PBLD: variants seen among roughly 807,000 people sequenced by gnomAD.
The protein encoded by PBLD is phenazine biosynthesis-like domain-containing protein.
Under a neutral mutation model 31.3 loss-of-function variants are expected in PBLD, and 26 were observed. The ratio of observed to expected loss-of-function variants is 0.83; its 90% CI spans 0.61 to 1.15. The LOEUF (loss-of-function observed/expected upper bound fraction) is 1.15, where lower values mean the gene tolerates loss of function less well. PBLD is among the 50% of genes most tolerant of loss of function. PBLD has a pLI of 0.00. For missense variants in PBLD, 307 were observed against 351.7 expected, an observed-to-expected ratio of 0.87 and a Z score of 1.02; for synonymous variants, 114 against 129.0, an observed-to-expected ratio of 0.88 and a Z score of 0.79.
At chr10:68,288,407 G>A in intron 8 of PBLD, 76 bp downstream of exon 8, 3 of 1,502,826 alleles carry the variant, frequency 2.0e-6, no homozygotes, top group South Asian at 2.6e-5. Flanking sequence ...AAGGTCACAG[G>A]AAGTGCACTT....
At chr10:68,328,065 T>C (rs1427570665) in intron 1 of PBLD, among the ~76,000 whole-genome samples, 1 of 152,192 alleles carries the variant, frequency 6.6e-6, no homozygotes, top group African/African-American at 2.4e-5. Flanking sequence ...TGTAATTCAG[T>C]CTTGTCTTGA....
chr10:68,318,163 T>C (rs1589670263), intron 1 of PBLD, among the ~76,000 whole-genome samples: 2 of 145,768 alleles, frequency 1.4e-5, no homozygotes, highest in Admixed American at 1.4e-4. Flanking sequence ...GGAGGCGGAG[T>C]TTGCAGTGAG....
intron 2 of PBLD, among the ~76,000 whole-genome samples, chr10:68,297,655 A>C (rs1177074919): frequency 2.0e-5 from 3 of 152,214 alleles, no homozygotes; most frequent in Admixed American, 6.5e-5. Context: ...GAGATCAGTA[A>C]ACATTTGTTG....
chr10:68,326,816 A>G (rs2044928693), intron 1 of PBLD, among the ~76,000 whole-genome samples: 1 of 152,212 alleles, frequency 6.6e-6, no homozygotes, highest in Non-Finnish European at 1.5e-5. Flanking sequence ...TGGGAGGCCG[A>G]GGCCAGTGGA....
At chr10:68,324,821 G>A (rs1190126509) in intron 1 of PBLD, among the ~76,000 whole-genome samples, 3 of 151,408 alleles carry the variant, frequency 2.0e-5, no homozygotes, top group Non-Finnish European at 4.4e-5. Flanking sequence ...TCACCATGTT[G>A]GCCAGGCTGG....
chr10:68,312,211 G>T (rs932495208), intron 1 of PBLD, among the ~76,000 whole-genome samples: 1 of 152,192 alleles, frequency 6.6e-6, no homozygotes, highest in Non-Finnish European at 1.5e-5. Flanking sequence ...TAGTGGAATT[G>T]CTGAATTACA....
intron 1 of PBLD, among the ~76,000 whole-genome samples, chr10:68,312,808 T>G (rs59914282): frequency 0.038 from 5,748 of 151,816 alleles, 379 homozygotes; most frequent in African/African-American, 0.13. Context: ...AGACGGGGTT[T>G]CACCATGTTA....
chr10:68,321,207 A>G (rs559327820), intron 1 of PBLD, among the ~76,000 whole-genome samples: 4 of 151,618 alleles, frequency 2.6e-5, no homozygotes, highest in African/African-American at 9.7e-5. Context: ...TTTTTGATCA[A>G]TGGTTGATTG....
chr10:68,285,333 A>T lies in PBLD; in HGVS notation c.754+15T>A, dbSNP rs763348000. On this transcript the variant is annotated intron_variant, in intron 9 of 9. Coordinates refer to ENST00000358769, the MANE Select transcript of PBLD (RefSeq NM_022129.4). ...TTAGGCAAATAAAAAAGAAATTGGT[A>T]AAGAGCTGTCCTACCATGCATTTCT... The T allele has an allele frequency of 2.5e-6, 4 of 1,614,036 alleles. No homozygotes were observed. In the South Asian group the frequency reaches 4.4e-5, roughly 18 times the overall value.
chr10:68,330,530 C>G (rs1272373995), intron 1 of PBLD, among the ~76,000 whole-genome samples: 1 of 152,140 alleles, frequency 6.6e-6, no homozygotes, highest in Non-Finnish European at 1.5e-5. Context: ...TGTACTTGAA[C>G]TTGCACTGAT....
chr10:68,298,835 G>A (rs1168084713), intron 2 of PBLD, among the ~76,000 whole-genome samples: 1 of 151,648 alleles, frequency 6.6e-6, no homozygotes, highest in Non-Finnish European at 1.5e-5. Context: ...AGCTGGGCGT[G>A]GTGGCTCACA....
intron 1 of PBLD, among the ~76,000 whole-genome samples, chr10:68,308,061 A>G (rs530701702): frequency 3.5e-4 from 54 of 152,288 alleles, no homozygotes; most frequent in Admixed American, 2.8e-3. Context: ...CACAGAGGAT[A>G]GATCCCAGGA....
At chr10:68,295,509 A>C (rs2044412725) in intron 4 of PBLD, among the ~76,000 whole-genome samples, 1 of 151,780 alleles carries the variant, frequency 6.6e-6, no homozygotes, top group African/African-American at 2.4e-5. Flanking sequence ...AAAAAAAAAA[A>C]ATGTTTATTG....
intron 6 of PBLD, among the ~76,000 whole-genome samples, chr10:68,289,720 A>G (rs2044334612): frequency 7.3e-6 from 1 of 137,846 alleles, no homozygotes; most frequent in Admixed American, 7.6e-5. Flanking sequence ...TGAGAAGGTC[A>G]GAGAAAAAGC....
At chr10:68,293,375 A>C (rs2044384236) in intron 4 of PBLD, among the ~76,000 whole-genome samples, 1 of 152,234 alleles carries the variant, frequency 6.6e-6, no homozygotes, top group Non-Finnish European at 1.5e-5. Context: ...ATCCCATGTT[A>C]CTGATACAAC....
At chr10:68,306,645 C>T in intron 2 of PBLD, 116 bp downstream of exon 2, 1 of 934,938 alleles carries the variant, frequency 1.1e-6, no homozygotes, top group Non-Finnish European at 1.6e-6. Context: ...GATATGATGG[C>T]AAAGAACACA....
At chr10:68,331,103 C>A (rs953514524) in intron 1 of PBLD, 3 of 152,268 alleles carry the variant, frequency 2.0e-5, no homozygotes, top group Non-Finnish European at 4.4e-5. Flanking sequence ...CCAACTCTTA[C>A]GCTCAAGCGA....
intron 1 of PBLD, among the ~76,000 whole-genome samples, chr10:68,319,104 AAAGAAAGG>A (rs1232189306): frequency 7.5e-6 from 1 of 133,040 alleles, no homozygotes; most frequent in African/African-American, 3.1e-5. Flanking sequence ...AGAAAGAAAG[AAAGAAAGG>A]AAAAAGAAAG....
intron 1 of PBLD, among the ~76,000 whole-genome samples, 200 bp downstream of exon 1, chr10:68,332,584 C>T (rs1172775912): frequency 6.6e-6 from 1 of 152,284 alleles, no homozygotes; most frequent in East Asian, 1.9e-4. Flanking sequence ...CTTCCGAAAA[C>T]TGATCTAGAA....
Sources: allele counts gnomAD v4.1 joint callset (sites outside exome capture counted in the v4.1 genomes callset), GRCh38; gene constraint gnomAD v4.1.1; transcripts MANE v1.5; gene names NCBI Gene and HGNC (gene_info 2026-07-23, HGNC 2026-07-21).